Variants in OLFM1 observed in about 807,000 individuals in gnomAD.
The protein encoded by OLFM1 is noelin.
In OLFM1, 9 loss-of-function variants were observed where a neutral mutation model predicts 49.7. The ratio of observed to expected loss-of-function variants is 0.18; its 90% CI spans 0.11 to 0.32. The LOEUF is 0.32. Among genes scored for constraint, OLFM1 ranks in the 10% least tolerant of loss-of-function variants. The probability of loss-of-function intolerance (pLI) is 1.00; values close to 1 mark genes in which losing one functional copy is unlikely to be tolerated. For synonymous variants in OLFM1, 240 were observed against 271.8 expected, an observed-to-expected ratio of 0.88 and a Z score of 1.15; for missense variants, 369 against 661.8, an observed-to-expected ratio of 0.56 and a Z score of 4.85.
In OLFM1 at chr9:135,077,302, C is replaced by T; in HGVS notation, c.96+1500C>T. The T allele has an allele frequency of 2.1e-6, 3 of 1,426,002 alleles. No homozygotes were observed. The East Asian group carries it at 7.5e-5, about 36-fold the overall frequency. The allele number at this position is 1,426,002 out of a possible 1,614,324, so 88.3% of individuals were successfully genotyped here. A position where few individuals can be genotyped will look rare whatever the true frequency, so the allele number is the denominator to read the frequency against. ...AAAGAGATGGCTGATTCTGGGTGGT[C>T]CTGGACATGGCCGCACCCAAGGGCC... On this transcript the variant is annotated intron_variant, in intron 1 of 5. Coordinates refer to the OLFM1 transcript ENST00000252854.
intron 4 of OLFM1, among the ~76,000 whole-genome samples, chr9:135,105,034 A>G (rs910280003): frequency 6.6e-6 from 1 of 151,656 alleles, no homozygotes; most frequent in African/African-American, 2.4e-5. Flanking sequence ...CTCCTCCCAC[A>G]GATGGGGAGC....
intron 1 of OLFM1, chr9:135,076,084 A>G: frequency 6.6e-7 from 1 of 1,507,330 alleles, no homozygotes; most frequent in South Asian, 1.3e-5. Flanking sequence ...CTCCCTGCTG[A>G]GAAGTTCAAA....
chr9:135,083,186 G>C (rs1196584988), upstream of OLFM1, among the ~76,000 whole-genome samples: 1 of 152,134 alleles, frequency 6.6e-6, no homozygotes, highest in African/African-American at 2.4e-5. Context: ...TGAAAAACGT[G>C]CATTCAGCCC....
At chr9:135,100,588 C>T (rs1330998284) in intron 4 of OLFM1, among the ~76,000 whole-genome samples, 1 of 152,180 alleles carries the variant, frequency 6.6e-6, no homozygotes, top group Admixed American at 6.5e-5. Flanking sequence ...GGCATCTGCC[C>T]GTAGCCAGCA....
chr9:135,097,808 C>T, intron 3 of OLFM1: 2 of 1,613,576 alleles, frequency 1.2e-6, no homozygotes, highest in Non-Finnish European at 1.7e-6. Flanking sequence ...TTTTTCAATG[C>T]TGCAGTGACT....
At chr9:135,086,490 C>T (rs1244548742), upstream of OLFM1, 2 of 386,266 alleles carry the variant, frequency 5.2e-6, no homozygotes, top group Admixed American at 5.9e-5. Flanking sequence ...CCTTCCGGCC[C>T]GGCGTCCGTC....
intron 2 of OLFM1, among the ~76,000 whole-genome samples, chr9:135,090,838 G>GT (rs1830676228): frequency 6.6e-6 from 1 of 152,220 alleles, no homozygotes; most frequent in African/African-American, 2.4e-5. Context: ...CCCTTGAATG[G>GT]TTGTACCTGG....
At chr9:135,119,160 G>A in intron 5 of OLFM1, among the ~76,000 whole-genome samples, 1 of 151,216 alleles carries the variant, frequency 6.6e-6, no homozygotes, top group Non-Finnish European at 1.5e-5. Flanking sequence ...TGCTCACCGA[G>A]TCTTTGGAGT....
At position 135,091,682 on chromosome 9, in the gene OLFM1, T is replaced by C. The variant is rs62653626; in HGVS notation, c.300+1338T>C. On this transcript the variant is annotated intron_variant, in intron 2 of 5. Transcript: ENST00000371793. The stretch of plus-strand genomic sequence containing the variant: ...ACACACACAGTCACACACTCACACA[T>C]AGTCTCACACACACACAGTCACACT... Among the ~76,000 whole-genome samples, 114 of 13,274 alleles carry C rather than the reference T, an allele frequency of 8.6e-3. 21 individuals are homozygous for C. Among genetic ancestry groups the C allele is most frequent in the African/African-American group, 0.043 (109 of 2,560 alleles). 8.7% of individuals were successfully genotyped at this position (13,274 alleles called of 152,430 possible).
At chr9:135,112,620 G>T (rs1831038397) in intron 5 of OLFM1, among the ~76,000 whole-genome samples, 1 of 152,238 alleles carries the variant, frequency 6.6e-6, no homozygotes, top group Non-Finnish European at 1.5e-5. Context: ...CATTCTCCCA[G>T]TCGGTGGGTG....
At chr9:135,086,805 T>C (rs958018246), upstream of OLFM1, 9 of 439,756 alleles carry the variant, frequency 2.0e-5, no homozygotes, top group Non-Finnish European at 3.7e-5. Context: ...CTGGGCGCCA[T>C]GACTCGAGCG....
At chr9:135,076,819 G>A (rs1830472470) in intron 1 of OLFM1, 1 of 1,545,954 alleles carries the variant, frequency 6.5e-7, no homozygotes, top group Non-Finnish European at 8.7e-7. Flanking sequence ...CAGAATAAAA[G>A]AGAAAACAAA....
chr9:135,098,465 C>T lies in OLFM1; in HGVS notation c.636C>T (p.Ser212=). ...ACGATGAACTTCAGAGCAGAGTGTC[C>T]AATCTTGAAGAAAGGCTCCGTGCAT... is the stretch of plus-strand genomic sequence containing the variant. ...YDYDELQSRV[S]NLEERLRACM... The change falls in exon 4 of 6, where the codon TCC becomes TCT. Residue 212 remains serine (S), a synonymous_variant. Coordinates refer to ENST00000371793, the MANE Select transcript of OLFM1 (RefSeq NM_001282611.2). This position sits in a 1 kb window ranked among gnomAD's most constrained non-coding sequence, Gnocchi z 5.6. 6.2e-7 allele frequency: 1 copy of T among 1,613,758 alleles called. No individual in the cohort carries two copies. Among genetic ancestry groups the T allele is most frequent in the Non-Finnish European group, 8.5e-7 (1 of 1,180,026 alleles).
In OLFM1 at chr9:135,087,860, C is replaced by CG; in HGVS notation, c.-128dup. The CG allele has an allele frequency of 1.1e-6, 1 of 890,196 alleles. No individual in the cohort carries two copies. Among genetic ancestry groups the CG allele is most frequent in the Non-Finnish European group, 1.3e-6 (1 of 746,906 alleles). The allele number at this position is 890,196 out of a possible 1,614,324, so 55.1% of individuals were successfully genotyped here. ...GGCGGCGGCGGCGGCGGGCGGGCGGCGGCGGGCCGAGGGGGCGCGGGGACA... is the reference window on the plus strand; with the variant it reads ...GGCGGCGGCGGCGGCGGGCGGGCGGCGGGCGGGCCGAGGGGGCGCGGGGACA... On this transcript the variant is annotated 5_prime_UTR_variant, in exon 1 of 6. The change abolishes the stop of an existing upstream ORF in the 5' untranslated region. Coordinates refer to ENST00000371793, the MANE Select transcript of OLFM1 (RefSeq NM_001282611.2).
At chr9:135,094,048 C>G (rs1830750962) in intron 2 of OLFM1, among the ~76,000 whole-genome samples, 1 of 152,210 alleles carries the variant, frequency 6.6e-6, no homozygotes, top group African/African-American at 2.4e-5. Flanking sequence ...CCAGCATGAG[C>G]TCAGCAGCTT....
chr9:135,119,741 TACA>T lies in OLFM1; in HGVS notation c.1028_1030del (p.Asn343del). The T allele has an allele frequency of 1.2e-6, 2 of 1,614,078 alleles. No homozygotes were observed. The highest frequency in any genetic ancestry group is 1.7e-6 in the Non-Finnish European group (2 of 1,180,028). Reference sequence around the variant, plus strand: ...GACCCGCAGCCTGGACTATGCCGGTTACAACAACATGTACCACTACGCCTGGGG... The same window carrying T: ...GACCCGCAGCCTGGACTATGCCGGTTACAACATGTACCACTACGCCTGGGG... On this transcript the variant is annotated inframe_deletion, in exon 6 of 6. Transcript: ENST00000371793.
intron 1 of OLFM1, among the ~76,000 whole-genome samples, chr9:135,077,812 C>A (rs894886846): frequency 5.9e-5 from 9 of 152,224 alleles, no homozygotes; most frequent in Non-Finnish European, 1.3e-4. Context: ...CGGAATCTTG[C>A]ATTGGAGGCC....
chr9:135,097,132 T>C (rs557153145), intron 3 of OLFM1, among the ~76,000 whole-genome samples: 1 of 152,356 alleles, frequency 6.6e-6, no homozygotes, highest in African/African-American at 2.4e-5. Context: ...CTTTTTATGC[T>C]AATGTTTTTC....
intron 1 of OLFM1, among the ~76,000 whole-genome samples, chr9:135,079,950 T>C (rs1352818834): frequency 2.6e-5 from 4 of 151,970 alleles, no homozygotes; most frequent in South Asian, 2.1e-4. Flanking sequence ...TGTTTGCCAG[T>C]CTAGGTGCCT....
Sources: allele counts gnomAD v4.1 joint callset (sites outside exome capture counted in the v4.1 genomes callset), GRCh38; gene constraint gnomAD v4.1.1; non-coding constraint Gnocchi (gnomAD v3.1); transcripts MANE v1.5; gene names NCBI Gene and HGNC (gene_info 2026-07-23, HGNC 2026-07-21).